CHIA: variants seen among roughly 807,000 people sequenced by gnomAD.
CHIA encodes the protein chitinase acidic, also known as acidic mammalian chitinase.
In CHIA, 47 loss-of-function variants were observed where a neutral mutation model predicts 53.5. The observed-to-expected ratio is 0.88, with a 90% CI of 0.70 to 1.12. The LOEUF (loss-of-function observed/expected upper bound fraction) is 1.12. Ranked by LOEUF, CHIA falls within the 50% of genes most tolerant of loss-of-function variation. The pLI is 0.00. For synonymous variants in CHIA, 268 were observed against 222.2 expected (o/e 1.21, Z -1.83); for missense variants, 652 against 592.2 (o/e 1.10, Z -1.05).
chr1:111,320,063 A>G, intron 11 of CHIA, 150 bp from the exon 12 acceptor site: 1 of 655,008 alleles, frequency 1.5e-6, no homozygotes, highest in East Asian at 2.5e-5. Context: ...TCTCCTGAAT[A>G]TGGAGCTACT....
intron 1 of CHIA, among the ~76,000 whole-genome samples, chr1:111,298,201 C>T (rs1027600423): frequency 6.6e-6 from 1 of 152,178 alleles, no homozygotes; most frequent in African/African-American, 2.4e-5. Flanking sequence ...AGAAGGTTAA[C>T]AAGGATATCC....
chr1:111,297,777 G>A (rs775695267), intron 1 of CHIA, among the ~76,000 whole-genome samples: 7 of 151,820 alleles, frequency 4.6e-5, no homozygotes, highest in Non-Finnish European at 8.8e-5. Context: ...GACACAGACT[G>A]GCAAATTGGA....
chr1:111,314,357 G>C (rs541953009), intron 4 of CHIA, among the ~76,000 whole-genome samples, 183 bp from the exon 5 acceptor site: 1 of 152,278 alleles, frequency 6.6e-6, no homozygotes, highest in Admixed American at 6.5e-5. Context: ...GGAACCCTGA[G>C]TGCATTCATG....
chr1:111,315,825 A>G (rs954678697), intron 6 of CHIA: 16 of 451,328 alleles, frequency 3.5e-5, no homozygotes, highest in Admixed American at 1.2e-4. Context: ...GTTTGGCCAC[A>G]GAGTCCATTG....
At chr1:111,303,084 G>C (rs1391922626) in intron 1 of CHIA, among the ~76,000 whole-genome samples, 1 of 151,790 alleles carries the variant, frequency 6.6e-6, no homozygotes, top group African/African-American at 2.4e-5. Context: ...GCTCTCGTTT[G>C]GTTACTATTT....
chr1:111,316,978 T>G (rs911563050), intron 6 of CHIA: 1 of 152,248 alleles, frequency 6.6e-6, no homozygotes, highest in Admixed American at 6.5e-5. Flanking sequence ...AGAATAAGAC[T>G]GCATCTTTTG....
intron 2 of CHIA, among the ~76,000 whole-genome samples, 171 bp downstream of exon 2, chr1:111,310,663 G>T (rs1197343705): frequency 6.6e-6 from 1 of 152,050 alleles, no homozygotes; most frequent in Non-Finnish European, 1.5e-5. Context: ...TCTGCCTCTT[G>T]TTCTCTTAAC....
At chr1:111,317,641 CA>C in intron 6 of CHIA, 39 bp from the exon 7 acceptor site, 1 of 1,609,656 alleles carries the variant, frequency 6.2e-7, no homozygotes, top group Non-Finnish European at 8.5e-7. Flanking sequence ...GAGCTAAAAT[CA>C]GCATCATAGA....
intron 4 of CHIA, among the ~76,000 whole-genome samples, chr1:111,313,859 T>A (rs991769507): frequency 5.9e-5 from 9 of 152,246 alleles, no homozygotes; most frequent in African/African-American, 1.9e-4. Context: ...AGGTGATTGC[T>A]ACTATCAGTA....
At chr1:111,315,739 G>A in intron 6 of CHIA, 1 of 476,676 alleles carries the variant, frequency 2.1e-6, no homozygotes, top group South Asian at 1.6e-5. Context: ...TACAGATGAG[G>A]AAACTAAAGT....
At chr1:111,306,302 C>T (rs1363375606) in intron 1 of CHIA, among the ~76,000 whole-genome samples, 1 of 152,042 alleles carries the variant, frequency 6.6e-6, no homozygotes, top group African/African-American at 2.4e-5. Flanking sequence ...GGGTGGGATA[C>T]CATTAGCTAT....
chr1:111,312,480 G>A (rs933716223), intron 4 of CHIA, 89 bp downstream of exon 4: 2 of 1,062,642 alleles, frequency 1.9e-6, no homozygotes, highest in African/African-American at 3.1e-5. Context: ...CAGATCCATG[G>A]ATCTGAGATG....
intron 1 of CHIA, among the ~76,000 whole-genome samples, chr1:111,295,188 A>T (rs533499326): frequency 2.6e-5 from 4 of 152,124 alleles, no homozygotes; most frequent in Non-Finnish European, 5.9e-5. Flanking sequence ...ATTGCATTTT[A>T]TGATTTTTCT....
rs1649425759 is a variant in CHIA at position 111,319,113 on chromosome 1, T to C, written c.916-7T>C. 1 of 1,606,898 alleles carries C rather than the reference T, an allele frequency of 6.2e-7. No individual in the cohort carries two copies. Among genetic ancestry groups the C allele is most frequent in the Middle Eastern group, 1.7e-4 (1 of 6,010 alleles). The stretch of plus-strand genomic sequence containing the variant: ...TTAATAGATTTGAATCTCTTGACTT[T>C]TGAAAGATCTGTACCTTCCTGAAAA... On this transcript the variant is annotated splice_region_variant and splice_polypyrimidine_tract_variant and intron_variant, in intron 9 of 11. Coordinates refer to ENST00000369740, the MANE Select transcript of CHIA (RefSeq NM_201653.4).
intron 1 of CHIA, among the ~76,000 whole-genome samples, chr1:111,308,070 A>G (rs564253116): frequency 7.2e-5 from 11 of 152,370 alleles, no homozygotes; most frequent in African/African-American, 2.4e-4. Flanking sequence ...GTTTAAAACT[A>G]TTCATTCTAT....
At chr1:111,301,465 C>T (rs28857204) in intron 1 of CHIA, among the ~76,000 whole-genome samples, 42,138 of 151,550 alleles carry the variant, frequency 0.28, 6,122 homozygotes, top group East Asian at 0.36. Context: ...TTTGGGAGGC[C>T]GAGGTGGGCA....
intron 1 of CHIA, among the ~76,000 whole-genome samples, chr1:111,300,082 G>C (rs192393563): frequency 1.3e-5 from 2 of 152,116 alleles, no homozygotes; most frequent in African/African-American, 4.8e-5. Context: ...AAATTAAAGA[G>C]GACACAAACA....
At chr1:111,302,816 T>C (rs549275264) in intron 1 of CHIA, among the ~76,000 whole-genome samples, 35 of 152,274 alleles carry the variant, frequency 2.3e-4, no homozygotes, top group Admixed American at 1.3e-3. Context: ...ATCTTCCGTG[T>C]GGTTGTTGTA....
In CHIA at chr1:111,318,591, C is replaced by A; in HGVS notation, c.828C>A (p.Pro276=). The A allele has an allele frequency of 5.0e-6, 8 of 1,614,226 alleles. No individual in the cohort carries two copies. Among genetic ancestry groups the A allele is most frequent in the Non-Finnish European group, 5.9e-6 (7 of 1,180,046 alleles). ...GACACAACTTCATCCTGAGCAACCC[C>A]TCCAACACTGGAATTGGTGCCCCCA... ...TYGHNFILSN[P]SNTGIGAPTS... The change falls in exon 9 of 12, where the codon CCC becomes CCA. Residue 276 remains proline (P), a synonymous_variant. Transcript: ENST00000369740.
Sources: allele counts gnomAD v4.1 joint callset (sites outside exome capture counted in the v4.1 genomes callset), GRCh38; gene constraint gnomAD v4.1.1; transcripts MANE v1.5; gene names NCBI Gene and HGNC (gene_info 2026-07-23, HGNC 2026-07-21).